The following LRP2 variants were observed in gnomAD, a reference collection of about 807,000 sequenced individuals.
LRP2 encodes the protein low-density lipoprotein receptor-related protein 2.
Under a neutral mutation model 531.0 loss-of-function variants are expected in LRP2, and 172 were observed. The ratio of observed to expected loss-of-function variants is 0.32; its 90% confidence interval spans 0.29 to 0.37. The LOEUF (loss-of-function observed/expected upper bound fraction) is 0.37, where lower values mean the gene tolerates loss of function less well. Among genes scored for constraint, LRP2 ranks in the 10% least tolerant of loss-of-function variants. LRP2 has a pLI of 1.00. For synonymous variants in LRP2, 1,992 were observed against 2,027.6 expected (o/e 0.98, Z 0.47); for missense variants, 5,167 against 5,868.3 (o/e 0.88, Z 3.90).
At chr2:169,283,413 T>G (rs831013) in intron 9 of LRP2, among the ~76,000 whole-genome samples, 102,652 of 152,060 alleles carry the variant, frequency 0.68, 34,905 homozygotes, top group East Asian at 0.89. Flanking sequence ...TAAAATAAAA[T>G]TAATAATTTG....
At chr2:169,262,605 C>G (rs1185313053) in intron 16 of LRP2, among the ~76,000 whole-genome samples, 4 of 149,754 alleles carry the variant, frequency 2.7e-5, no homozygotes, top group Admixed American at 1.3e-4. Flanking sequence ...AGGATACAAA[C>G]AAATGGAAGA....
intron 1 of LRP2, among the ~76,000 whole-genome samples, chr2:169,361,411 C>T (rs4668137): frequency 7.1e-6 from 1 of 141,212 alleles, no homozygotes; most frequent in Non-Finnish European, 1.5e-5. Flanking sequence ...TCTCCTCTCT[C>T]TCCTCTCTCT....
chr2:169,209,406 G>T, intron 38 of LRP2, 47 bp downstream of exon 38: 1 of 1,576,860 alleles, frequency 6.3e-7, no homozygotes, highest in East Asian at 2.2e-5. Flanking sequence ...CATAAAATAA[G>T]ATGACAGAGA....
At chr2:169,353,332 C>T (rs1223036717) in intron 1 of LRP2, among the ~76,000 whole-genome samples, 1 of 152,176 alleles carries the variant, frequency 6.6e-6, no homozygotes, top group Non-Finnish European at 1.5e-5. Context: ...ATATCAGAAT[C>T]ATATGGGAAG....
Position 169,251,868 on chromosome 2 carries a change from G to T in LRP2, c.2770+4238C>A, listed in dbSNP as rs1240869006. Among the ~76,000 whole-genome samples the T allele has an allele frequency of 1.7e-4, 12 of 70,170 alleles. 1 individual carries two copies. The highest frequency in any genetic ancestry group is 2.6e-4 in the African/African-American group (3 of 11,722). The allele number at this position is 70,170 out of a possible 152,430, so 46.0% of individuals were successfully genotyped here. A position where few individuals can be genotyped will look rare whatever the true frequency, so the allele number is the denominator to read the frequency against. On this transcript the variant is annotated intron_variant, in intron 19 of 78. Transcript: ENST00000649046. ...CAGAGAATACTACAAACACCTCTTC[G>T]CAAATAAACTAGAAAATCTAGAAGA...
chr2:169,131,169 T>C (rs1399075710), intron 77 of LRP2, among the ~76,000 whole-genome samples: 1 of 152,068 alleles, frequency 6.6e-6, no homozygotes, highest in Admixed American at 6.5e-5. Context: ...TAATATAGCT[T>C]AAAGAAAAAA....
chr2:169,133,465 G>C (rs1685364679), intron 76 of LRP2, among the ~76,000 whole-genome samples: 1 of 152,126 alleles, frequency 6.6e-6, no homozygotes, highest in African/African-American at 2.4e-5. Flanking sequence ...TTTCATATCT[G>C]TTTATCAGAG....
At chr2:169,314,718 G>A (rs993046113) in intron 3 of LRP2, among the ~76,000 whole-genome samples, 3 of 151,910 alleles carry the variant, frequency 2.0e-5, no homozygotes, top group African/African-American at 7.3e-5. Context: ...TATACCTGTG[G>A]GTCCAATTTT....
chr2:169,238,103 C>T lies in LRP2; in HGVS notation c.4494G>A (p.Thr1498=), dbSNP rs1287160156. ...GAAATGTACTTACCACTCTTCTGTC[C>T]GTTCCATTTTGAAACGCACTCCAGG... The part of the protein sequence containing the change: ...GKTWSAFQNG[T]DRRVVFDSSI... The change falls in exon 27 of 79, where the codon ACG becomes ACA. Residue 1498 remains threonine (T), a synonymous_variant. Transcript: ENST00000649046. 30 of 1,613,786 alleles carry T rather than the reference C, an allele frequency of 1.9e-5. No homozygotes were observed. The highest frequency in any genetic ancestry group is 2.5e-5 in the Non-Finnish European group (29 of 1,179,840).
chr2:169,162,729 C>T, intron 62 of LRP2, 129 bp from the exon 63 acceptor site: 1 of 978,024 alleles, frequency 1.0e-6, no homozygotes, highest in Non-Finnish European at 1.6e-6. Context: ...GTCTCCCTTG[C>T]AGCTGGGTTA....
rs1183469747 is a variant in LRP2 at position 169,270,999 on chromosome 2, AAAG to A, written c.2222_2224del (p.Ser741del). On this transcript the variant is annotated inframe_deletion, in exon 16 of 79. Transcript: ENST00000649046. ...GGCGTCAAAATCAATCCCGACAAAG[AAAG>A]AAGGATTCCCCGAAACTGGAACCAT... 3.1e-6 allele frequency: 5 copies of A among 1,613,264 alleles called. No homozygotes were observed. The African/African-American group carries it at 4.0e-5, about 13-fold the overall frequency.
chr2:169,242,531 G>GAA (rs1689845844), intron 24 of LRP2, among the ~76,000 whole-genome samples: 1 of 151,350 alleles, frequency 6.6e-6, no homozygotes, highest in African/African-American at 2.4e-5. Context: ...CACAAAGAAT[G>GAA]AATTCATCAG....
chr2:169,256,290 T>A, intron 18 of LRP2, 54 bp from the exon 19 acceptor site: 2 of 1,530,378 alleles, frequency 1.3e-6, no homozygotes, highest in Non-Finnish European at 1.8e-6. Flanking sequence ...CAGAGCACCC[T>A]TTACACAAAG....
At chr2:169,357,945 C>A (rs926123478) in intron 1 of LRP2, among the ~76,000 whole-genome samples, 1 of 152,028 alleles carries the variant, frequency 6.6e-6, no homozygotes, top group African/African-American at 2.4e-5. Context: ...TTTGATGGCT[C>A]AAGAATTTGA....
intron 15 of LRP2, chr2:169,271,727 G>A (rs745628786): frequency 7.9e-5 from 78 of 982,124 alleles, no homozygotes; most frequent in Admixed American, 2.5e-4. Flanking sequence ...TAGTAATTCC[G>A]TAACAATCCT....
chr2:169,190,966 C>A (rs1301576429), intron 48 of LRP2, among the ~76,000 whole-genome samples: 1 of 152,124 alleles, frequency 6.6e-6, no homozygotes, highest in African/African-American at 2.4e-5. Flanking sequence ...TTTGAAGAGG[C>A]CCATTTGGAG....
chr2:169,228,097 C>T (rs192602186), intron 31 of LRP2, among the ~76,000 whole-genome samples: 1 of 152,112 alleles, frequency 6.6e-6, no homozygotes, highest in African/African-American at 2.4e-5. Context: ...TAATTTATCT[C>T]CCTCAAGTTT....
At chr2:169,226,657 G>A in intron 31 of LRP2, 69 bp from the exon 32 acceptor site, 1 of 1,160,998 alleles carries the variant, frequency 8.6e-7, no homozygotes, top group Non-Finnish European at 1.3e-6. Flanking sequence ...GTAATGGAAG[G>A]CAATAGCCTG....
rs532862428 is a variant in LRP2, at chr2:169,332,308, C to A, written c.80-11424G>T. Reference sequence around the variant, plus strand: ...TAAACACCTTGCTGTATTCCTTCTCCCTAACTCCATATTATTTAGTTCTTG... The same window carrying A: ...TAAACACCTTGCTGTATTCCTTCTCACTAACTCCATATTATTTAGTTCTTG... On this transcript the variant is annotated intron_variant, in intron 1 of 78. Coordinates refer to ENST00000649046, the MANE Select transcript of LRP2 (RefSeq NM_004525.3). Among the ~76,000 whole-genome samples, 8 of 152,212 alleles carry A rather than the reference C, an allele frequency of 5.3e-5. No homozygotes were observed. In the South Asian group the frequency reaches 1.7e-3, roughly 32 times the overall value.
Sources: allele counts gnomAD v4.1 joint callset (sites outside exome capture counted in the v4.1 genomes callset), GRCh38; gene constraint gnomAD v4.1.1; transcripts MANE v1.5; gene names NCBI Gene and HGNC (gene_info 2026-07-23, HGNC 2026-07-21).